Variants in KRABD2 observed in about 807,000 individuals in gnomAD.
KRABD2 encodes KRAB domain containing 2.
the KRABD2 span, chr17:8,372,180 G>T: frequency 2.3e-6 from 1 of 428,326 alleles, no homozygotes; most frequent in Non-Finnish European, 3.1e-6. This position sits in a 1 kb window ranked among gnomAD's most constrained non-coding sequence, Gnocchi z 4.1. Context: ...TCACTAAAAG[G>T]GCTTCAAACT....
chr17:8,367,217 G>C, the KRABD2 span: 1 of 152,198 alleles, frequency 6.6e-6, no homozygotes, highest in Non-Finnish European at 1.5e-5. Context: ...AGGTAAGTCT[G>C]GCCGCGCGTG....
the KRABD2 span, among the ~76,000 whole-genome samples, chr17:8,366,711 C>G: frequency 1.3e-5 from 2 of 151,946 alleles, no homozygotes; most frequent in Non-Finnish European, 2.9e-5. Context: ...CTTCCTATTA[C>G]TTTTCCTTCA....
chr17:8,371,401 T>C, the KRABD2 span: 1 of 1,614,164 alleles, frequency 6.2e-7, no homozygotes, highest in African/African-American at 1.3e-5. Flanking sequence ...TTTGGTCATA[T>C]TTTCAAATGC....
the KRABD2 span, among the ~76,000 whole-genome samples, chr17:8,363,853 ATATATATATT>A: frequency 3.8e-3 from 257 of 67,818 alleles, 7 homozygotes; most frequent in East Asian, 0.012. Flanking sequence ...ATATATATAT[ATATATATATT>A]TATTTATTTA....
chr17:8,374,144 G>A, the KRABD2 span, among the ~76,000 whole-genome samples: 25 of 152,276 alleles, frequency 1.6e-4, no homozygotes, highest in African/African-American at 6.0e-4. Context: ...AGCTCATTGA[G>A]GACGGGCCAT....
the KRABD2 span, chr17:8,369,823 G>A: frequency 6.2e-7 from 1 of 1,614,174 alleles, no homozygotes; most frequent in Non-Finnish European, 8.5e-7. Context: ...ATTTCAACTT[G>A]GCATGTGGAG....
chr17:8,359,302 C>CGAGGAT, the KRABD2 span, among the ~76,000 whole-genome samples: 1 of 152,150 alleles, frequency 6.6e-6, no homozygotes, highest in East Asian at 1.9e-4. Flanking sequence ...GGTCTCTGAG[C>CGAGGAT]GAGGATCCTG....
At chr17:8,373,524 C>G in the KRABD2 span, 1 of 194,784 alleles carries the variant, frequency 5.1e-6, no homozygotes, top group Non-Finnish European at 1.0e-5. Flanking sequence ...CGGCTCCCTA[C>G]AACCTCCACC....
the KRABD2 span, among the ~76,000 whole-genome samples, chr17:8,372,353 T>C: frequency 5.9e-5 from 9 of 152,338 alleles, 1 homozygote; most frequent in South Asian, 1.9e-3. The surrounding 1 kb of genome is among the most constrained non-coding windows in gnomAD (Gnocchi z 4.1). Context: ...GTGAAAAATA[T>C]GCATTTTCAT....
chr17:8,376,625 A>G, the KRABD2 span: 2 of 985,570 alleles, frequency 2.0e-6, no homozygotes, highest in South Asian at 9.4e-5. Flanking sequence ...CAGACTGAGG[A>G]AGGTCAGGAA....
the KRABD2 span, chr17:8,359,903 C>G: frequency 8.8e-6 from 4 of 452,112 alleles, no homozygotes; most frequent in African/African-American, 8.0e-5. Flanking sequence ...GAGGGGATGT[C>G]ATTCAAAGAA....
the KRABD2 span, chr17:8,368,854 C>T: frequency 2.6e-6 from 1 of 380,552 alleles, no homozygotes; most frequent in Non-Finnish European, 4.7e-6. Flanking sequence ...CCAGGCTAGT[C>T]TTGAACTCCT....
the KRABD2 span, chr17:8,368,916 C>T: frequency 1.4e-6 from 1 of 719,846 alleles, no homozygotes; most frequent in South Asian, 2.3e-5. Context: ...GGATTACGGG[C>T]ATGAGCGCTG....
chr17:8,369,865 C>G, the KRABD2 span: 2 of 1,614,140 alleles, frequency 1.2e-6, no homozygotes, highest in Admixed American at 1.7e-5. Flanking sequence ...GGCTTTGGTG[C>G]AAGGCCTCTC....
chr17:8,369,543 C>T, the KRABD2 span: 1 of 1,614,186 alleles, frequency 6.2e-7, no homozygotes, highest in Non-Finnish European at 8.5e-7. Flanking sequence ...GGAGCCCTGG[C>T]TTTGGCCAGG....
At chr17:8,375,896 C>T in the KRABD2 span, 3 of 1,228,510 alleles carry the variant, frequency 2.4e-6, no homozygotes, top group Non-Finnish European at 3.0e-6. Context: ...CTCCCTTCAC[C>T]CACCTGTGAG....
the KRABD2 span, among the ~76,000 whole-genome samples, chr17:8,361,441 C>T: frequency 1.7e-4 from 26 of 152,314 alleles, no homozygotes; most frequent in Admixed American, 1.4e-3. Flanking sequence ...CTTCCTGCCA[C>T]CCCACACAAA....
At chr17:8,369,856 G>A in the KRABD2 span, 1 of 1,614,162 alleles carries the variant, frequency 6.2e-7, no homozygotes, top group Non-Finnish European at 8.5e-7. Context: ...AAAGTCATGG[G>A]CTTTGGTGCA....
At chr17:8,360,555 G>T in the KRABD2 span, among the ~76,000 whole-genome samples, 1 of 152,120 alleles carries the variant, frequency 6.6e-6, no homozygotes. Flanking sequence ...ACCAAATTCA[G>T]TAAGTTCAAA....
Sources: gnomAD v4.1 joint callset for allele counts (sites outside exome capture counted in the v4.1 genomes callset) on GRCh38, gnomAD v4.1.1 for gene constraint, Gnocchi (gnomAD v3.1) non-coding constraint, MANE v1.5 for transcripts, NCBI Gene and HGNC (gene_info 2026-07-23, HGNC 2026-07-21) for gene names.